The following ARHGAP24 variants were observed in gnomAD, a reference collection of about 807,000 sequenced individuals.
ARHGAP24 encodes Rho GTPase activating protein 24.
A neutral mutation model predicts 76.4 loss-of-function variants in ARHGAP24; 50 were observed. The ratio of observed to expected loss-of-function variants is 0.65; its 90% confidence interval spans 0.52 to 0.83. ARHGAP24 has a LOEUF of 0.83. Among genes scored for constraint, ARHGAP24 ranks in the 40% least tolerant of loss-of-function variants. The pLI, the probability that ARHGAP24 is intolerant of heterozygous loss-of-function variation, is 0.00. For missense variants in ARHGAP24, 930 were observed against 914.2 expected, an observed-to-expected ratio of 1.02 and a Z score of -0.22; for synonymous variants, 345 against 323.3, an observed-to-expected ratio of 1.07 and a Z score of -0.72.
intron 1 of ARHGAP24, among the ~76,000 whole-genome samples, chr4:85,566,242 G>A (rs939249598): frequency 2.0e-5 from 3 of 152,162 alleles, no homozygotes; most frequent in Non-Finnish European, 4.4e-5. Context: ...ATACCACCCA[G>A]CTACCATGGC....
At chr4:85,714,740 A>G (rs1041307367) in intron 2 of ARHGAP24, among the ~76,000 whole-genome samples, 4 of 152,108 alleles carry the variant, frequency 2.6e-5, no homozygotes, top group African/African-American at 9.7e-5. Flanking sequence ...GTAGATTCCA[A>G]AATGGTTACC....
At chr4:85,853,334 G>A (rs1731347628) in intron 3 of ARHGAP24, among the ~76,000 whole-genome samples, 1 of 152,218 alleles carries the variant, frequency 6.6e-6, no homozygotes, top group Admixed American at 6.5e-5. Context: ...TGTTGGAAAA[G>A]CACAGTATTT....
intron 3 of ARHGAP24, among the ~76,000 whole-genome samples, chr4:85,795,037 T>C (rs1203414668): frequency 6.6e-6 from 1 of 152,192 alleles, no homozygotes; most frequent in African/African-American, 2.4e-5. Context: ...CAAAGATCCT[T>C]TTCGGAATTC....
chr4:85,860,592 G>T (rs1731836399), intron 3 of ARHGAP24, among the ~76,000 whole-genome samples: 5 of 151,958 alleles, frequency 3.3e-5, no homozygotes, highest in Admixed American at 3.3e-4. Flanking sequence ...AGGAAAGTAG[G>T]CATTAAAAAT....
chr4:85,753,811 G>T (rs1256262839), intron 3 of ARHGAP24, among the ~76,000 whole-genome samples: 1 of 152,054 alleles, frequency 6.6e-6, no homozygotes, highest in Admixed American at 6.5e-5. Context: ...GGGGGTGCAT[G>T]GGATATTTCA....
intron 3 of ARHGAP24, among the ~76,000 whole-genome samples, chr4:85,857,393 T>C (rs1194494847): frequency 6.6e-6 from 1 of 152,236 alleles, no homozygotes; most frequent in Non-Finnish European, 1.5e-5. Flanking sequence ...CCACATACGC[T>C]GCTTTCTGAA....
At position 85,916,781 on chromosome 4, in the gene ARHGAP24, A is replaced by G. The variant is rs549827435; in HGVS notation, c.269-6867A>G. On this transcript the variant is annotated intron_variant, in intron 3 of 9. Coordinates refer to ENST00000395184, the MANE Select transcript of ARHGAP24 (RefSeq NM_001025616.3). ...GGAAACTAACTCAAATGTCTGTGAC[A>G]GCAGTTTCCTTTGTGCAACTGCAAC... 4.6e-5 allele frequency among the ~76,000 whole-genome samples: 7 copies of G among 152,332 alleles called. No individual in the cohort carries two copies. In the South Asian group the frequency reaches 1.4e-3, roughly 32 times the overall value.
At chr4:85,508,798 G>A (rs186354773) in intron 1 of ARHGAP24, among the ~76,000 whole-genome samples, 165 of 152,150 alleles carry the variant, frequency 1.1e-3, no homozygotes, top group African/African-American at 3.7e-3. Context: ...CAAACTGGCC[G>A]GGTCAGCCTG....
chr4:85,483,925 G>A (rs981789844), intron 1 of ARHGAP24, among the ~76,000 whole-genome samples: 20 of 152,104 alleles, frequency 1.3e-4, no homozygotes, highest in Non-Finnish European at 2.8e-4. Context: ...TAAAGCTTGA[G>A]GACCACTTAT....
intron 2 of ARHGAP24, among the ~76,000 whole-genome samples, chr4:85,598,273 A>C (rs1719907513): frequency 6.6e-6 from 1 of 152,110 alleles, no homozygotes; most frequent in Non-Finnish European, 1.5e-5. Context: ...TAGAAATATG[A>C]AGAGTTCAAA....
intron 3 of ARHGAP24, among the ~76,000 whole-genome samples, chr4:85,786,439 T>A (rs1051537355): frequency 2.6e-5 from 4 of 152,226 alleles, no homozygotes; most frequent in Non-Finnish European, 5.9e-5. Context: ...TTCTTGACTT[T>A]GAACTTCTGT....
chr4:85,725,946 GAGA>G, intron 3 of ARHGAP24, among the ~76,000 whole-genome samples: 1 of 152,290 alleles, frequency 6.6e-6, no homozygotes, highest in African/African-American at 2.4e-5. Context: ...CCCTGACTTA[GAGA>G]AGGAGTGAGT....
chr4:85,530,542 C>T (rs1008831865), intron 1 of ARHGAP24, among the ~76,000 whole-genome samples: 4 of 151,610 alleles, frequency 2.6e-5, no homozygotes, highest in Non-Finnish European at 2.9e-5. Flanking sequence ...AAGCATTTGT[C>T]GACTGTTTTT....
intron 2 of ARHGAP24, among the ~76,000 whole-genome samples, chr4:85,667,066 C>T (rs1722652264): frequency 1.3e-5 from 2 of 152,162 alleles, no homozygotes; most frequent in Admixed American, 1.3e-4. Flanking sequence ...GAGGTTACTG[C>T]TGTCTTTTTG....
intron 3 of ARHGAP24, among the ~76,000 whole-genome samples, chr4:85,840,102 T>C (rs1217245034): frequency 6.7e-6 from 1 of 149,562 alleles, no homozygotes; most frequent in Non-Finnish European, 1.5e-5. Context: ...CCTGACCTCA[T>C]GATCCACCCA....
chr4:85,821,977 T>A (rs1274650695), intron 3 of ARHGAP24, among the ~76,000 whole-genome samples: 1 of 152,208 alleles, frequency 6.6e-6, no homozygotes, highest in African/African-American at 2.4e-5. Context: ...TTGAAAATAT[T>A]ACAGGTTTAT....
chr4:85,545,670 C>T (rs1189438070), intron 1 of ARHGAP24, among the ~76,000 whole-genome samples: 1 of 152,136 alleles, frequency 6.6e-6, no homozygotes, highest in Admixed American at 6.5e-5. Context: ...TGTGCCAAGT[C>T]TCAGCACTTT....
chr4:85,598,207 TA>T (rs562975950), intron 2 of ARHGAP24, among the ~76,000 whole-genome samples: 283 of 152,196 alleles, frequency 1.9e-3, no homozygotes, highest in African/African-American at 6.7e-3. Flanking sequence ...TAATTCTTTT[TA>T]AAAGAAGTAA....
At chr4:85,876,314 G>C (rs1052138493) in intron 3 of ARHGAP24, among the ~76,000 whole-genome samples, 1 of 152,156 alleles carries the variant, frequency 6.6e-6, no homozygotes. Flanking sequence ...GGATTCGCTT[G>C]TGCTTGAATT....
Sources: allele counts gnomAD v4.1 joint callset (sites outside exome capture counted in the v4.1 genomes callset), GRCh38; gene constraint gnomAD v4.1.1; transcripts MANE v1.5; gene names NCBI Gene and HGNC (gene_info 2026-07-23, HGNC 2026-07-21).